Variants in SLC7A9 observed in about 807,000 individuals in gnomAD.
SLC7A9 encodes the protein B(0,+)-type amino acid transporter 1.
In SLC7A9, 38 loss-of-function variants were observed where a neutral mutation model predicts 54.1. The ratio of observed to expected loss-of-function variants is 0.70; its 90% CI spans 0.54 to 0.92. The LOEUF is 0.92. SLC7A9 is among the 40% of genes least tolerant of loss of function. The probability of loss-of-function intolerance (pLI) is 0.00; values close to 1 mark genes in which losing one functional copy is unlikely to be tolerated. For synonymous variants in SLC7A9, 264 were observed against 258.9 expected (o/e 1.02, Z -0.19); for missense variants, 537 against 636.1 (o/e 0.84, Z 1.68).
intron 8 of SLC7A9, 56 bp from the exon 9 acceptor site, chr19:32,858,599 C>T (rs1968698916): frequency 1.4e-5 from 20 of 1,433,304 alleles, no homozygotes; most frequent in South Asian, 3.6e-5. Flanking sequence ...CAAGAGCGGC[C>T]GGCCCCCAAA....
intron 2 of SLC7A9, among the ~76,000 whole-genome samples, chr19:32,865,616 G>T (rs367982270): frequency 6.6e-6 from 1 of 152,200 alleles, no homozygotes; most frequent in Non-Finnish European, 1.5e-5. Context: ...CTAGAAAGGG[G>T]CACGAGGGAG....
At chr19:32,839,419 G>A (rs1370630031) in intron 11 of SLC7A9, among the ~76,000 whole-genome samples, 1 of 152,044 alleles carries the variant, frequency 6.6e-6, no homozygotes, top group African/African-American at 2.4e-5. Flanking sequence ...CAGGCGTGGT[G>A]GCACGCGCCT....
At chr19:32,865,688 C>T (rs544127500) in intron 2 of SLC7A9, among the ~76,000 whole-genome samples, 1 of 152,300 alleles carries the variant, frequency 6.6e-6, no homozygotes, top group African/African-American at 2.4e-5. Context: ...CTGTACATTT[C>T]GACCAGGTGC....
At chr19:32,854,137 T>C (rs1183942174) in intron 9 of SLC7A9, among the ~76,000 whole-genome samples, 1 of 151,868 alleles carries the variant, frequency 6.6e-6, no homozygotes, top group Non-Finnish European at 1.5e-5. Flanking sequence ...CTCAGTCTCC[T>C]GAGTAGCTGG....
intron 1 of SLC7A9, among the ~76,000 whole-genome samples, chr19:32,869,053 CAA>C (rs5827824): frequency 0.17 from 18,326 of 108,562 alleles, 1,983 homozygotes; most frequent in African/African-American, 0.35. Flanking sequence ...ACTAAAAATG[CAA>C]AAAAAAAAAA....
intron 9 of SLC7A9, among the ~76,000 whole-genome samples, chr19:32,845,970 C>CTAG (rs550922965): frequency 8.5e-4 from 130 of 152,278 alleles, no homozygotes; most frequent in African/African-American, 2.9e-3. Context: ...CACCACTGTA[C>CTAG]TCTAGCCTGG....
At chr19:32,843,812 G>A (rs755383328) in intron 10 of SLC7A9, 43 bp downstream of exon 10, 1 of 1,466,924 alleles carries the variant, frequency 6.8e-7, no homozygotes, top group South Asian at 1.1e-5. Flanking sequence ...TGGATGGAGT[G>A]TCCCCGCCTT....
rs757146277 is a variant in SLC7A9, at chr19:32,862,563, G to C, written c.502C>G (p.Leu168Val). 5.0e-6 allele frequency: 8 copies of C among 1,613,916 alleles called. No homozygotes were observed. Among genetic ancestry groups the C allele is most frequent in the Non-Finnish European group, 6.8e-6 (8 of 1,180,044 alleles). Residue 168 changes from leucine to valine, a missense_variant, in exon 5 of 13, where the codon CTG (leucine) becomes GTG (valine). By Grantham distance (32) the Leu-to-Val change is conservative. Coordinates refer to ENST00000023064, the MANE Select transcript of SLC7A9 (RefSeq NM_014270.5). ...AILFISTVNSLSVRLGSYVQN... is the reference protein window; with the variant it reads ...AILFISTVNSVSVRLGSYVQN... ...ACGTAGCTTCCCAGCCGCACGCTCA[G>C]TGAGTTCACTGTCGAGATGAACACT...
chr19:32,864,441 AC>A lies in SLC7A9; in HGVS notation c.236-104del. On this transcript the variant is annotated intron_variant, in intron 3 of 12. Coordinates refer to ENST00000023064, the MANE Select transcript of SLC7A9 (RefSeq NM_014270.5). ...AGGCTGCGCTCGTATGGAGGGGCCC[AC>A]CGTGGTCCGCCCTCGCTGGACGGCC... The A allele has an allele frequency of 3.2e-6, 5 of 1,564,566 alleles. 1 individual carries two copies. Among genetic ancestry groups the A allele is most frequent in the African/African-American group, 2.7e-5 (2 of 74,162 alleles).
Position 32,845,196 on chromosome 19 carries a change from T to A in SLC7A9, c.978-1245A>T, listed in dbSNP as rs184240107. Among the ~76,000 whole-genome samples, 506 of 151,452 alleles carry A rather than the reference T, an allele frequency of 3.3e-3. 4 individuals are homozygous for A. The highest frequency in any genetic ancestry group is 0.012 in the African/African-American group (478 of 41,254). ...TAAAAATAAATAAGAGGAGAAGATA[T>A]AAAAAACAGGAGCCTGAGCTGGGCA... On this transcript the variant is annotated intron_variant, in intron 9 of 12. Coordinates refer to ENST00000023064, the MANE Select transcript of SLC7A9 (RefSeq NM_014270.5).
intron 6 of SLC7A9, among the ~76,000 whole-genome samples, chr19:32,860,903 T>C (rs1968781529): frequency 6.6e-6 from 1 of 152,188 alleles, no homozygotes; most frequent in Non-Finnish European, 1.5e-5. Flanking sequence ...TTTTCAAGAA[T>C]AATCAGGAGT....
At chr19:32,865,703 G>A (rs1968946394) in intron 2 of SLC7A9, among the ~76,000 whole-genome samples, 1 of 151,692 alleles carries the variant, frequency 6.6e-6, no homozygotes, top group African/African-American at 2.4e-5. Flanking sequence ...AGGTGCAGTG[G>A]TTTATGCCTG....
intron 9 of SLC7A9, among the ~76,000 whole-genome samples, chr19:32,853,720 C>A (rs1029756121): frequency 6.6e-6 from 1 of 151,876 alleles, no homozygotes; most frequent in Non-Finnish European, 1.5e-5. Flanking sequence ...AGTTTAAGAC[C>A]AACCTGGGCA....
chr19:32,832,114 A>G (rs980755847), intron 12 of SLC7A9, among the ~76,000 whole-genome samples: 1 of 151,708 alleles, frequency 6.6e-6, no homozygotes, highest in Non-Finnish European at 1.5e-5. Flanking sequence ...CGACTCTACT[A>G]AAAATACAAA....
At chr19:32,867,774 G>C (rs1021249968) in intron 2 of SLC7A9, among the ~76,000 whole-genome samples, 1 of 151,266 alleles carries the variant, frequency 6.6e-6, no homozygotes, top group African/African-American at 2.4e-5. Context: ...GTGAAACCTC[G>C]TCTCTACTGA....
At position 32,830,596 on chromosome 19, in the gene SLC7A9, C is replaced by G; in HGVS notation, c.*24G>C. 1 of 1,587,666 alleles carries G rather than the reference C, an allele frequency of 6.3e-7. No individual in the cohort carries two copies. The highest frequency in any genetic ancestry group is 1.3e-5 in the African/African-American group (1 of 74,512). On this transcript the variant is annotated 3_prime_UTR_variant, in exon 13 of 13. Transcript: ENST00000023064. ...TGCTTAAGAAAATAAATTCAGCTGA[C>G]TTGGCTACAAGAGACGGAGCTTGTT...
chr19:32,835,760 G>A (rs561600381), intron 11 of SLC7A9, among the ~76,000 whole-genome samples: 1 of 152,040 alleles, frequency 6.6e-6, no homozygotes. Flanking sequence ...TTTTGGAGTT[G>A]TCTATTTAAT....
chr19:32,852,065 A>G (rs1356651000), intron 9 of SLC7A9, among the ~76,000 whole-genome samples: 1 of 152,148 alleles, frequency 6.6e-6, no homozygotes, highest in Non-Finnish European at 1.5e-5. Context: ...AGATATACCT[A>G]ACGTTAAAAT....
At chr19:32,840,015 G>C (rs1049355231) in intron 11 of SLC7A9, among the ~76,000 whole-genome samples, 12 of 151,890 alleles carry the variant, frequency 7.9e-5, no homozygotes, top group Non-Finnish European at 1.6e-4. Flanking sequence ...CTTCTTCAGG[G>C]ACTCCAATTA....
Sources: allele counts gnomAD v4.1 joint callset (sites outside exome capture counted in the v4.1 genomes callset), GRCh38; gene constraint gnomAD v4.1.1; transcripts MANE v1.5; gene names NCBI Gene and HGNC (gene_info 2026-07-23, HGNC 2026-07-21).